TOP3B: variants seen among roughly 807,000 people sequenced by gnomAD.
TOP3B encodes DNA topoisomerase III beta, also known as DNA topoisomerase 3-beta-1.
A neutral mutation model predicts 93.9 loss-of-function variants in TOP3B; 45 were observed. The observed-to-expected ratio is 0.48, with a 90% CI of 0.38 to 0.61. The LOEUF (loss-of-function observed/expected upper bound fraction) is 0.61. Among genes scored for constraint, TOP3B ranks in the 20% least tolerant of loss-of-function variants. TOP3B has a pLI of 0.00. For synonymous variants in TOP3B, 357 were observed against 472.6 expected, an observed-to-expected ratio of 0.76 and a Z score of 3.17; for missense variants, 750 against 1,156.1, an observed-to-expected ratio of 0.65 and a Z score of 5.09.
intron 1 of TOP3B, among the ~76,000 whole-genome samples, chr22:21,978,570 G>T (rs2084544998): frequency 6.6e-6 from 1 of 152,160 alleles, no homozygotes; most frequent in African/African-American, 2.4e-5. Context: ...AGGAGCCCAG[G>T]CTGGGGGTCG....
chr22:21,964,275 G>C lies in TOP3B; in HGVS notation c.984C>G (p.Leu328=). 6.2e-7 allele frequency: 1 copy of C among 1,614,084 alleles called. No homozygotes were observed. The highest frequency in any genetic ancestry group is 1.7e-5 in the Admixed American group (1 of 60,030). The part of the protein sequence containing the change: ...PQHAMQTAER[L]YTQGYISYPR... Reference sequence around the variant, plus strand: ...GGTAGCTGATGTAGCCTTGCGTGTAGAGCCGCTCAGCCGTCTGCATGGCGT... The same window carrying C: ...GGTAGCTGATGTAGCCTTGCGTGTACAGCCGCTCAGCCGTCTGCATGGCGT... Residue 328 remains leucine (L), a synonymous_variant, in exon 10 of 18, where the codon CTC becomes CTG. Transcript: ENST00000357179.
intron 9 of TOP3B, 186 bp from the exon 10 acceptor site, chr22:21,964,501 A>ATGAGGCTGAATCCCGCACCCG (rs2145844004): frequency 3.1e-6 from 2 of 646,020 alleles, no homozygotes; most frequent in East Asian, 2.7e-5. Flanking sequence ...ACAGTCTTGT[A>ATGAGGCTGAATCCCGCACCCG]TGAGGCTGAA....
rs377475375 is a variant in TOP3B, at chr22:21,971,091, C to T, written c.385-685G>A. The T allele has an allele frequency of 3.9e-6, 5 of 1,293,468 alleles. No individual in the cohort carries two copies. The highest frequency in any genetic ancestry group is 2.0e-6 in the Non-Finnish European group (2 of 980,520). 80.1% of individuals were successfully genotyped at this position (1,293,468 alleles called of 1,614,324 possible). On this transcript the variant is annotated intron_variant, in intron 5 of 17. Coordinates refer to ENST00000357179, the MANE Select transcript of TOP3B (RefSeq NM_001282112.2). The surrounding 1 kb of genome is among the most constrained non-coding windows in gnomAD (Gnocchi z 4.6). ...AGGGAGAAAGCCCCATGAGCTGCCC[C>T]CATTCTCCATTCCCAGATGCAAAGG...
chr22:21,958,867 T>G, intron 16 of TOP3B, 174 bp from the exon 17 acceptor site: 1 of 1,186,944 alleles, frequency 8.4e-7, no homozygotes. Flanking sequence ...AAAAGGCAGT[T>G]CTAAAATCTC....
At position 21,959,726 on chromosome 22, in the gene TOP3B, C is replaced by T. The variant is rs2071084967; in HGVS notation, c.1665G>A (p.Leu555=). 6.2e-7 allele frequency: 1 copy of T among 1,612,848 alleles called. No homozygotes were observed. The highest frequency in any genetic ancestry group is 8.5e-7 in the Non-Finnish European group (1 of 1,179,740). Reference sequence around the variant, plus strand: ...CTGCACTGCGGATGGTGGGGAGCACCAGCTCTGCATCTGCAAGTGGGCAGG... The same window carrying T: ...CTGCACTGCGGATGGTGGGGAGCACTAGCTCTGCATCTGCAAGTGGGCAGG... ...VHGYYKIDAE[L]VLPTIRSAVE... is the part of the protein sequence containing the mutation. Residue 555 remains leucine (L), a synonymous_variant, in exon 15 of 18, where the codon CTG becomes CTA. Transcript: ENST00000357179.
intron 1 of TOP3B, among the ~76,000 whole-genome samples, chr22:21,979,736 T>G (rs1049121866): frequency 2.0e-5 from 3 of 150,914 alleles, no homozygotes; most frequent in African/African-American, 7.3e-5. Context: ...GGTCAGGAGA[T>G]CAAGACCATC....
chr22:21,969,140 T>A, intron 6 of TOP3B: 1 of 176,962 alleles, frequency 5.7e-6, no homozygotes, highest in African/African-American at 2.4e-5. Context: ...TTTAGGTCTC[T>A]TTTGTTTTTG....
chr22:21,971,707 T>C lies in TOP3B; in HGVS notation c.384+170A>G. The C allele has an allele frequency of 1.4e-6, 1 of 698,374 alleles. No individual in the cohort carries two copies. The highest frequency in any genetic ancestry group is 1.5e-5 in the South Asian group (1 of 64,658). The allele number at this position is 698,374 out of a possible 1,614,324, so 43.3% of individuals were successfully genotyped here. On this transcript the variant is annotated intron_variant, in intron 5 of 17. Coordinates refer to ENST00000357179, the MANE Select transcript of TOP3B (RefSeq NM_001282112.2). This position sits in a 1 kb window ranked among gnomAD's most constrained non-coding sequence, Gnocchi z 4.6. The stretch of plus-strand genomic sequence containing the variant: ...ACCACCTTTAATAGAGCCTATGCAG[T>C]TAAAAGTATCTGTGGAGTTTCAGAA...
intron 15 of TOP3B, 51 bp downstream of exon 15, chr22:21,959,536 C>T (rs1054412823): frequency 6.4e-7 from 1 of 1,553,894 alleles, no homozygotes; most frequent in African/African-American, 1.4e-5. Flanking sequence ...ACTGGCCTTG[C>T]TGACAGAGAG....
At chr22:21,964,069 G>A (rs1225162479) in intron 10 of TOP3B, 41 bp from the exon 11 acceptor site, 7 of 1,600,952 alleles carry the variant, frequency 4.4e-6, no homozygotes, top group African/African-American at 4.0e-5. Flanking sequence ...GGCTGGGCTC[G>A]GCTGCCTGCC....
chr22:21,982,503 G>A (rs2084654602), intron 1 of TOP3B: 1 of 152,340 alleles, frequency 6.6e-6, no homozygotes, highest in South Asian at 2.1e-4. Context: ...GCTCCCTGCA[G>A]GCACATGGCG....
intron 11 of TOP3B, 65 bp from the exon 12 acceptor site, chr22:21,962,958 G>A: frequency 1.3e-6 from 2 of 1,585,626 alleles, no homozygotes; most frequent in Non-Finnish European, 1.7e-6. Context: ...GGAGCCCCCA[G>A]TACTCTCGCT....
At chr22:21,978,319 C>T (rs1485137011) in intron 1 of TOP3B, among the ~76,000 whole-genome samples, 1 of 152,074 alleles carries the variant, frequency 6.6e-6, no homozygotes, top group Non-Finnish European at 1.5e-5. Context: ...GGGCTCACAC[C>T]TATAATCCTA....
chr22:21,963,809 G>T lies in TOP3B; in HGVS notation c.1204+114C>A, dbSNP rs980364625. 5.8e-5 allele frequency: 64 copies of T among 1,095,982 alleles called. No homozygotes were observed. The Admixed American group carries it at 9.4e-4, about 16-fold the overall frequency. The allele number at this position is 1,095,982 out of a possible 1,614,324, so 67.9% of individuals were successfully genotyped here. On this transcript the variant is annotated intron_variant, in intron 11 of 17. Coordinates refer to ENST00000357179, the MANE Select transcript of TOP3B (RefSeq NM_001282112.2). This position sits in a 1 kb window ranked among gnomAD's most constrained non-coding sequence, Gnocchi z 4.8. ...AGGTGGCCCCCCATCCCCACAGCCA[G>T]GGCAGGCAGAGGCTGAAGGAGCCCC... is the stretch of plus-strand genomic sequence containing the variant.
chr22:21,962,033 C>A, intron 13 of TOP3B: 1 of 969,948 alleles, frequency 1.0e-6, no homozygotes, highest in East Asian at 6.1e-5. Flanking sequence ...GGAAGCAGCT[C>A]CTGTGAGATC....
intron 17 of TOP3B, chr22:21,957,911 G>C: frequency 6.8e-7 from 1 of 1,461,956 alleles, no homozygotes; most frequent in Non-Finnish European, 9.1e-7. Flanking sequence ...ATGTCACTGG[G>C]CCACATGGAA....
chr22:21,965,241 C>T (rs1444826287), intron 9 of TOP3B, 44 bp downstream of exon 9: 1 of 1,484,850 alleles, frequency 6.7e-7, no homozygotes, highest in South Asian at 1.3e-5. Flanking sequence ...CTGAACCTGC[C>T]TCAGGAAGCC....
intron 14 of TOP3B, chr22:21,959,956 G>T (rs1423963903): frequency 3.0e-6 from 2 of 672,104 alleles, no homozygotes; most frequent in Non-Finnish European, 2.5e-6. Context: ...AGGCAGAGTG[G>T]CCAGGGATGT....
chr22:21,980,614 G>C (rs2145892238), intron 1 of TOP3B, among the ~76,000 whole-genome samples: 1 of 152,376 alleles, frequency 6.6e-6, no homozygotes, highest in Admixed American at 6.5e-5. Flanking sequence ...CCATCCCACA[G>C]TGAAAGAGCC....
Sources: gnomAD v4.1 joint callset for allele counts (sites outside exome capture counted in the v4.1 genomes callset) on GRCh38, gnomAD v4.1.1 for gene constraint, Gnocchi (gnomAD v3.1) non-coding constraint, MANE v1.5 for transcripts, NCBI Gene and HGNC (gene_info 2026-07-23, HGNC 2026-07-21) for gene names.